XKR6: variants seen among roughly 807,000 people sequenced by gnomAD.
The protein encoded by XKR6 is XK related 6.
Under a neutral mutation model 56.7 loss-of-function variants are expected in XKR6, and 22 were observed. The ratio of observed to expected loss-of-function variants is 0.39; its 90% CI spans 0.28 to 0.55. The LOEUF (loss-of-function observed/expected upper bound fraction) is 0.55, where lower values mean the gene tolerates loss of function less well. XKR6 is among the 20% of genes least tolerant of loss of function. The probability of loss-of-function intolerance (pLI) is 0.66; values close to 1 mark genes in which losing one functional copy is unlikely to be tolerated. For synonymous variants in XKR6, 524 were observed against 387.8 expected (o/e 1.35, Z -4.13); for missense variants, 852 against 889.0 (o/e 0.96, Z 0.53).
At chr8:11,094,479 T>G (rs1219580714) in intron 1 of XKR6, among the ~76,000 whole-genome samples, 2 of 152,270 alleles carry the variant, frequency 1.3e-5, no homozygotes, top group East Asian at 3.9e-4. Flanking sequence ...CCAGAGCCAC[T>G]ACACCCGGCC....
intron 1 of XKR6, among the ~76,000 whole-genome samples, chr8:11,091,737 C>T (rs1019224260): frequency 2.0e-5 from 3 of 152,040 alleles, no homozygotes; most frequent in Non-Finnish European, 2.9e-5. Flanking sequence ...GCCGTGGGGC[C>T]GGGTGAGTTA....
Position 10,896,743 on chromosome 8 carries a change from T to C in XKR6, c.*1209A>G, listed in dbSNP as rs1173705416. 1 of 147,040 alleles carries C rather than the reference T, an allele frequency of 6.8e-6. No individual in the cohort carries two copies. The highest frequency in any genetic ancestry group is 2.6e-5 in the African/African-American group (1 of 38,806). The allele number at this position is 147,040 out of a possible 1,614,324, so 9.1% of individuals were successfully genotyped here. On this transcript the variant is annotated 3_prime_UTR_variant, in exon 3 of 3. Transcript: ENST00000416569. Reference sequence around the variant, plus strand: ...ATATATATGTATATATATATATATATTCTAGTTTTCCTCTTTGTGTTATTT... The same window carrying C: ...ATATATATGTATATATATATATATACTCTAGTTTTCCTCTTTGTGTTATTT...
At chr8:11,196,433 CA>C (rs1225406692) in intron 1 of XKR6, among the ~76,000 whole-genome samples, 18 of 148,376 alleles carry the variant, frequency 1.2e-4, no homozygotes, top group African/African-American at 2.4e-4. Flanking sequence ...CAAAACAAAA[CA>C]AAAAAAACAA....
At chr8:11,006,674 G>C (rs1049437396) in intron 1 of XKR6, among the ~76,000 whole-genome samples, 1 of 152,172 alleles carries the variant, frequency 6.6e-6, no homozygotes, top group African/African-American at 2.4e-5. Context: ...GGAATAGCAT[G>C]TGCAAAGGCT....
intron 1 of XKR6, among the ~76,000 whole-genome samples, chr8:10,951,301 G>C (rs200316066): frequency 8.2e-5 from 12 of 146,628 alleles, no homozygotes; most frequent in East Asian, 5.9e-4. Flanking sequence ...GTGTGTGTGG[G>C]GGGGGGGGGC....
chr8:11,167,017 T>G (rs993447855), intron 1 of XKR6, among the ~76,000 whole-genome samples: 2 of 152,162 alleles, frequency 1.3e-5, no homozygotes, highest in African/African-American at 4.8e-5. Context: ...GCCTGCAGCG[T>G]GTGTGGCGGT....
intron 1 of XKR6, among the ~76,000 whole-genome samples, chr8:11,063,793 G>A (rs1361161660): frequency 6.6e-6 from 1 of 152,118 alleles, no homozygotes; most frequent in Non-Finnish European, 1.5e-5. Flanking sequence ...TTTCCCACCT[G>A]CAACTTGCAC....
intron 1 of XKR6, among the ~76,000 whole-genome samples, chr8:11,165,790 G>T (rs1193240354): frequency 1.3e-5 from 2 of 152,028 alleles, no homozygotes; most frequent in African/African-American, 4.8e-5. Context: ...TTGTTGAGAT[G>T]ATCATTTCTA....
In XKR6 at chr8:11,083,491, C is replaced by T. The variant is rs77743266; in HGVS notation, c.764+117085G>A. Reference sequence around the variant, plus strand: ...GCATCCTCATGTGGGACCGGATTCTCTTTTTATTACACCCCCCGTTGAGCT... The same window carrying T: ...GCATCCTCATGTGGGACCGGATTCTTTTTTTATTACACCCCCCGTTGAGCT... On this transcript the variant is annotated intron_variant, in intron 1 of 2. Transcript: ENST00000416569. 2.2e-3 allele frequency among the ~76,000 whole-genome samples: 340 copies of T among 152,246 alleles called. 1 individual carries two copies. Among genetic ancestry groups the T allele is most frequent in the African/African-American group, 7.9e-3 (329 of 41,512 alleles).
intron 1 of XKR6, among the ~76,000 whole-genome samples, chr8:11,190,031 C>A (rs983101445): frequency 2.0e-5 from 3 of 152,078 alleles, no homozygotes; most frequent in African/African-American, 7.2e-5. Flanking sequence ...GTGGCTCATG[C>A]CTGTAATCCC....
At chr8:11,102,324 G>A (rs1280046821) in intron 1 of XKR6, among the ~76,000 whole-genome samples, 1 of 152,118 alleles carries the variant, frequency 6.6e-6, no homozygotes, top group East Asian at 1.9e-4. Context: ...GCAACTCCAT[G>A]CTTTGTGTCT....
At chr8:11,082,088 C>G (rs1460061657) in intron 1 of XKR6, among the ~76,000 whole-genome samples, 1 of 152,194 alleles carries the variant, frequency 6.6e-6, no homozygotes. Flanking sequence ...GACAGAGACT[C>G]ACCTCCTTCC....
intron 1 of XKR6, among the ~76,000 whole-genome samples, chr8:10,979,373 A>G (rs916013937): frequency 6.6e-6 from 1 of 151,966 alleles, no homozygotes. Flanking sequence ...CAGCAGCTAC[A>G]GGGGTCCCAG....
chr8:11,178,443 A>C (rs1056951567), intron 1 of XKR6, among the ~76,000 whole-genome samples: 2 of 151,478 alleles, frequency 1.3e-5, no homozygotes, highest in Non-Finnish European at 2.9e-5. Flanking sequence ...CTTTTTGTAC[A>C]TGCACATTGA....
chr8:11,126,459 T>A (rs1426661016), intron 1 of XKR6, among the ~76,000 whole-genome samples: 1 of 149,344 alleles, frequency 6.7e-6, no homozygotes, highest in Non-Finnish European at 1.5e-5. Context: ...AGTTCTTGAA[T>A]TTTTTTTTTT....
chr8:11,083,933 A>T (rs1291089481), intron 1 of XKR6, among the ~76,000 whole-genome samples: 1 of 152,200 alleles, frequency 6.6e-6, no homozygotes, highest in Non-Finnish European at 1.5e-5. Context: ...CGTTAAAAAA[A>T]AAAACTCCTT....
chr8:10,907,103 C>A (rs1800207968), intron 2 of XKR6, among the ~76,000 whole-genome samples: 1 of 152,106 alleles, frequency 6.6e-6, no homozygotes, highest in African/African-American at 2.4e-5. Context: ...ACGGCAATCA[C>A]ATTTGTGGCC....
chr8:10,916,024 G>A (rs1335110080), intron 2 of XKR6, among the ~76,000 whole-genome samples: 2 of 152,214 alleles, frequency 1.3e-5, no homozygotes, highest in Non-Finnish European at 1.5e-5. Context: ...TGTATGTGCC[G>A]CTGGGGCTGA....
intron 1 of XKR6, among the ~76,000 whole-genome samples, chr8:11,132,300 A>G (rs535131981): frequency 3.9e-5 from 6 of 152,260 alleles, no homozygotes; most frequent in Admixed American, 1.3e-4. Context: ...ACACTATTCT[A>G]CAGTCTGTAC....
Sources: gnomAD v4.1 joint callset for allele counts (sites outside exome capture counted in the v4.1 genomes callset) on GRCh38, gnomAD v4.1.1 for gene constraint, MANE v1.5 for transcripts, NCBI Gene and HGNC (gene_info 2026-07-23, HGNC 2026-07-21) for gene names.